Variants in EPHA6 observed in about 807,000 individuals in gnomAD.
EPHA6 encodes EPH receptor A6, also known as ephrin type-A receptor 6.
A neutral mutation model predicts 112.0 loss-of-function variants in EPHA6; 50 were observed. The ratio of observed to expected loss-of-function variants is 0.45; its 90% confidence interval spans 0.36 to 0.56. The LOEUF (loss-of-function observed/expected upper bound fraction) is 0.56, where lower values mean the gene tolerates loss of function less well. Among genes scored for constraint, EPHA6 ranks in the 20% least tolerant of loss-of-function variants. The pLI is 0.00. For synonymous variants in EPHA6, 529 were observed against 490.7 expected, an observed-to-expected ratio of 1.08 and a Z score of -1.03; for missense variants, 1,280 against 1,417.4, an observed-to-expected ratio of 0.90 and a Z score of 1.56.
Position 97,752,724 on chromosome 3 carries a change from G to A in EPHA6, c.*4023G>A, listed in dbSNP as rs1349866608. On this transcript the variant is annotated 3_prime_UTR_variant, in exon 18 of 18. Coordinates refer to ENST00000389672, the MANE Select transcript of EPHA6 (RefSeq NM_001080448.3). Reference sequence around the variant, plus strand: ...TAACTTGAAATCAAGTTTTTGGAAAGTAATTTTGAAATGGATGATGATGAT... The same window carrying A: ...TAACTTGAAATCAAGTTTTTGGAAAATAATTTTGAAATGGATGATGATGAT... 1.3e-5 allele frequency among the ~76,000 whole-genome samples: 2 copies of A among 152,078 alleles called. No homozygotes were observed. Among genetic ancestry groups the A allele is most frequent in the African/African-American group, 4.8e-5 (2 of 41,460 alleles).
At chr3:97,324,127 T>C (rs984129611) in intron 5 of EPHA6, among the ~76,000 whole-genome samples, 3 of 152,030 alleles carry the variant, frequency 2.0e-5, no homozygotes, top group Non-Finnish European at 4.4e-5. Context: ...GACCCTTCAC[T>C]TTTCCTATGA....
intron 14 of EPHA6, among the ~76,000 whole-genome samples, chr3:97,682,960 CA>C (rs2031976215): frequency 6.6e-6 from 1 of 152,164 alleles, no homozygotes; most frequent in Admixed American, 6.6e-5. Context: ...AACCTGACTA[CA>C]GCTTAATAAC....
chr3:97,363,212 A>C (rs1477527967), intron 5 of EPHA6, among the ~76,000 whole-genome samples: 2 of 85,676 alleles, frequency 2.3e-5, no homozygotes, highest in African/African-American at 1.7e-4. Context: ...ATATATATAT[A>C]TATATATATA....
intron 5 of EPHA6, among the ~76,000 whole-genome samples, chr3:97,291,588 C>T (rs2108686405): frequency 6.6e-6 from 1 of 152,156 alleles, no homozygotes; most frequent in Non-Finnish European, 1.5e-5. Flanking sequence ...TTGAAAAGAT[C>T]TATCTTTGTG....
intron 6 of EPHA6, among the ~76,000 whole-genome samples, chr3:97,442,655 TA>T (rs1368520027): frequency 1.3e-5 from 2 of 152,072 alleles, no homozygotes; most frequent in Non-Finnish European, 2.9e-5. Context: ...CAAGAACAAA[TA>T]TATTTATGTT....
At chr3:96,918,340 A>C (rs2039588619) in intron 2 of EPHA6, among the ~76,000 whole-genome samples, 1 of 152,196 alleles carries the variant, frequency 6.6e-6, no homozygotes, top group Admixed American at 6.5e-5. Context: ...TTATTAACAC[A>C]TGAAAATGTA....
At chr3:96,887,595 A>G (rs1380664783) in intron 2 of EPHA6, among the ~76,000 whole-genome samples, 2 of 152,184 alleles carry the variant, frequency 1.3e-5, no homozygotes, top group Non-Finnish European at 2.9e-5. Flanking sequence ...TATGCTCTCC[A>G]GAGAGCACCA....
At chr3:97,102,928 C>G (rs2047447629) in intron 3 of EPHA6, among the ~76,000 whole-genome samples, 1 of 151,910 alleles carries the variant, frequency 6.6e-6, no homozygotes, top group Non-Finnish European at 1.5e-5. Context: ...GCATGTCTTC[C>G]TTTGAAAAGT....
chr3:97,193,392 T>C (rs58576560), intron 3 of EPHA6, among the ~76,000 whole-genome samples: 5,840 of 152,172 alleles, frequency 0.038, 365 homozygotes, highest in African/African-American at 0.13. Context: ...TTTATTTTAT[T>C]TGTAGCTATT....
chr3:97,339,230 G>A (rs911862449), intron 5 of EPHA6, among the ~76,000 whole-genome samples: 11 of 152,130 alleles, frequency 7.2e-5, no homozygotes, highest in Non-Finnish European at 1.3e-4. Flanking sequence ...ATTATATGAG[G>A]AGCAGATACA....
In EPHA6 at chr3:97,454,428, A is replaced by G. The variant is rs141895577; in HGVS notation, c.1894+5698A>G. ...TGTTGCCTACCAGGTCAAAAAGAAA[A>G]AGAAATACTAAAATACTAAATATTA... On this transcript the variant is annotated intron_variant, in intron 7 of 17. Transcript: ENST00000389672. Among the ~76,000 whole-genome samples, 1,406 of 151,898 alleles carry G rather than the reference A, an allele frequency of 9.3e-3. 68 individuals carry two copies. The highest frequency in any genetic ancestry group is 0.08 in the Admixed American group (1,214 of 15,238).
intron 11 of EPHA6, among the ~76,000 whole-genome samples, chr3:97,550,823 A>C: frequency 6.6e-6 from 1 of 152,134 alleles, no homozygotes; most frequent in East Asian, 1.9e-4. Context: ...CTAAACACAC[A>C]TTAAGCAGTA....
chr3:97,222,490 T>A lies in EPHA6; in HGVS notation c.1115-3774T>A, dbSNP rs73133033. On this transcript the variant is annotated intron_variant, in intron 3 of 17. Transcript: ENST00000389672. ...TATGTATTTTTTGCATTAGGAGTAA[T>A]ATCCAAGTTCACATTAATAATAATT... is the stretch of plus-strand genomic sequence containing the variant. Among the ~76,000 whole-genome samples, 1,088 of 152,312 alleles carry A rather than the reference T, an allele frequency of 7.1e-3. 6 individuals carry two copies. The highest frequency in any genetic ancestry group is 0.034 in the Middle Eastern group (10 of 294).
At chr3:97,235,324 A>T (rs1263438871) in intron 4 of EPHA6, among the ~76,000 whole-genome samples, 3 of 152,076 alleles carry the variant, frequency 2.0e-5, no homozygotes, top group African/African-American at 7.2e-5. Context: ...GTTAGCCAGT[A>T]TTATTGCTTT....
chr3:97,707,794 T>G (rs1015984028), intron 14 of EPHA6, among the ~76,000 whole-genome samples: 30 of 152,168 alleles, frequency 2.0e-4, no homozygotes, highest in African/African-American at 6.5e-4. Flanking sequence ...CTCATGATAG[T>G]GAGTGAGTTC....
chr3:97,123,915 G>C (rs1353517678), intron 3 of EPHA6, among the ~76,000 whole-genome samples: 1 of 152,012 alleles, frequency 6.6e-6, no homozygotes, highest in African/African-American at 2.4e-5. Context: ...GAGACAGAGA[G>C]AGAGAGAGAG....
intron 9 of EPHA6, among the ~76,000 whole-genome samples, chr3:97,481,935 T>C (rs1229970088): frequency 6.6e-6 from 1 of 152,116 alleles, no homozygotes; most frequent in Non-Finnish European, 1.5e-5. Flanking sequence ...TTATCTGTTT[T>C]CCAAGAGGTA....
chr3:97,520,710 T>C (rs1475381981), intron 10 of EPHA6, among the ~76,000 whole-genome samples: 2 of 152,232 alleles, frequency 1.3e-5, no homozygotes, highest in Non-Finnish European at 2.9e-5. Flanking sequence ...TTACATCTGT[T>C]TGGGGATCTC....
At chr3:97,183,344 A>C (rs2077041390) in intron 3 of EPHA6, among the ~76,000 whole-genome samples, 1 of 152,160 alleles carries the variant, frequency 6.6e-6, no homozygotes, top group South Asian at 2.1e-4. Context: ...AAATAAATAC[A>C]AATTAAAATG....
Sources: allele counts gnomAD v4.1 joint callset (sites outside exome capture counted in the v4.1 genomes callset), GRCh38; gene constraint gnomAD v4.1.1; transcripts MANE v1.5; gene names NCBI Gene and HGNC (gene_info 2026-07-23, HGNC 2026-07-21).